The following TNS3 variants were observed in gnomAD, a reference collection of about 807,000 sequenced individuals.
TNS3 encodes the protein tensin 3.
A neutral mutation model predicts 140.9 loss-of-function variants in TNS3; 45 were observed. That is an observed-to-expected ratio of 0.32 (90% CI 0.25 to 0.41). TNS3 has a LOEUF of 0.41. Ranked by LOEUF, TNS3 falls within the 10% of genes least tolerant of loss-of-function variation. The pLI is 1.00. For synonymous variants in TNS3, 815 were observed against 788.4 expected, an observed-to-expected ratio of 1.03 and a Z score of -0.56; for missense variants, 1,716 against 1,906.7, an observed-to-expected ratio of 0.90 and a Z score of 1.86.
At chr7:47,512,473 C>CAT (rs901508136) in intron 2 of TNS3, among the ~76,000 whole-genome samples, 4 of 152,186 alleles carry the variant, frequency 2.6e-5, no homozygotes, top group Non-Finnish European at 5.9e-5. Context: ...GATAAAATTA[C>CAT]ATATATATAC....
chr7:47,348,461 G>A (rs1036213643), intron 17 of TNS3, among the ~76,000 whole-genome samples: 3 of 152,200 alleles, frequency 2.0e-5, no homozygotes, highest in South Asian at 2.1e-4. Flanking sequence ...TTTCAAAGGG[G>A]AGGGAATAGT....
chr7:47,295,777 C>T (rs1785981721), intron 24 of TNS3, among the ~76,000 whole-genome samples: 2 of 152,146 alleles, frequency 1.3e-5, no homozygotes, highest in Admixed American at 1.3e-4. Flanking sequence ...CGCTACAGCC[C>T]TGCCTGAGGC....
chr7:47,295,186 T>C (rs1785936627), intron 24 of TNS3, among the ~76,000 whole-genome samples: 1 of 152,186 alleles, frequency 6.6e-6, no homozygotes, highest in African/African-American at 2.4e-5. Flanking sequence ...CCTATTTTGT[T>C]CCTTTCATCT....
In TNS3 at chr7:47,368,625, A is replaced by G. The variant is rs1790851972; in HGVS notation, c.2021T>C (p.Val674Ala). 6.3e-7 allele frequency: 1 copy of G among 1,597,122 alleles called. No homozygotes were observed. Among genetic ancestry groups the G allele is most frequent in the East Asian group, 2.2e-5 (1 of 44,786 alleles). Residue 674 changes from valine to alanine, a missense_variant, in exon 17 of 31, where the codon GTT becomes GCT. Coordinates refer to ENST00000311160, the MANE Select transcript of TNS3 (RefSeq NM_022748.12). ...CAGCTCTGGGCCGGCTCCATTCACA[A>G]CCTGGTCTCCTGGAAACCTGGGTTT... ...AFKPRFPGDQVVNGAGPELST... is the reference protein window; with the variant it reads ...AFKPRFPGDQAVNGAGPELST...
At chr7:47,283,337 G>T (rs186299120) in intron 28 of TNS3, among the ~76,000 whole-genome samples, 108 of 152,318 alleles carry the variant, frequency 7.1e-4, no homozygotes, top group Middle Eastern at 6.8e-3. Context: ...AAAACAATAG[G>T]TTCCAAGATC....
chr7:47,410,224 C>T (rs1356183839), intron 13 of TNS3, among the ~76,000 whole-genome samples: 1 of 152,218 alleles, frequency 6.6e-6, no homozygotes, highest in Non-Finnish European at 1.5e-5. Flanking sequence ...AGGGATGCTG[C>T]ACCATCGCTG....
At chr7:47,388,245 TACAC>T (rs141454544) in intron 16 of TNS3, among the ~76,000 whole-genome samples, 1 of 151,580 alleles carries the variant, frequency 6.6e-6, no homozygotes, top group Non-Finnish European at 1.5e-5. Context: ...CACACACACA[TACAC>T]ACACACACAC....
chr7:47,560,761 C>T (rs1800304736), intron 1 of TNS3, among the ~76,000 whole-genome samples: 1 of 152,190 alleles, frequency 6.6e-6, no homozygotes, highest in African/African-American at 2.4e-5. Flanking sequence ...TTTCTGAGGT[C>T]CTGGCTGGGG....
At chr7:47,320,417 G>A (rs769982924) in intron 20 of TNS3, among the ~76,000 whole-genome samples, 5 of 152,214 alleles carry the variant, frequency 3.3e-5, no homozygotes, top group African/African-American at 4.8e-5. Context: ...CACGAGTTGG[G>A]AGTATTAGTC....
At chr7:47,540,992 T>C (rs1440337104) in intron 1 of TNS3, among the ~76,000 whole-genome samples, 2 of 152,162 alleles carry the variant, frequency 1.3e-5, no homozygotes, top group Non-Finnish European at 2.9e-5. Flanking sequence ...GGAGGACCCC[T>C]GGCAGTCCTG....
rs934027476 is a variant in TNS3, at chr7:47,400,816, A to C, written c.822T>G (p.Phe274Leu). 15 of 1,614,144 alleles carry C rather than the reference A, an allele frequency of 9.3e-6. No homozygotes were observed. The highest frequency in any genetic ancestry group is 1.2e-5 in the Non-Finnish European group (14 of 1,180,058). The change falls in exon 14 of 31, where the codon TTT (phenylalanine) becomes TTG (leucine). Residue 274 changes from phenylalanine to leucine, a missense_variant. Around this residue, in one of 3 missense-constraint regions of TNS3, gnomAD observed 337 missense variants for 428.9 expected, o/e 0.79. Transcript: ENST00000311160. ...TGGCATTGTCCAGATCCTCCTTCCC[A>C]AACACCAGCCCGTAGCCCTGCACAG... ...TGAVQGYGLV[F>L]GKEDLDNASK... is the part of the protein sequence containing the mutation.
At chr7:47,440,049 C>T (rs912655859) in intron 5 of TNS3, among the ~76,000 whole-genome samples, 29 of 152,140 alleles carry the variant, frequency 1.9e-4, no homozygotes, top group African/African-American at 7.0e-4. Flanking sequence ...GGAGCCTCAA[C>T]CCTGCTCTGA....
At chr7:47,298,494 C>T (rs1786184890) in intron 23 of TNS3, among the ~76,000 whole-genome samples, 1 of 152,220 alleles carries the variant, frequency 6.6e-6, no homozygotes, top group African/African-American at 2.4e-5. Context: ...GATAACTAGA[C>T]TACATCTCAG....
chr7:47,541,735 T>G (rs1194625562), intron 1 of TNS3, among the ~76,000 whole-genome samples: 1 of 151,866 alleles, frequency 6.6e-6, no homozygotes, highest in Non-Finnish European at 1.5e-5. Context: ...GATCACAAGG[T>G]CAGGAGATGG....
intron 13 of TNS3, among the ~76,000 whole-genome samples, chr7:47,403,907 A>G (rs1793297918): frequency 6.6e-6 from 1 of 152,228 alleles, no homozygotes; most frequent in African/African-American, 2.4e-5. Context: ...ACTTGGTACG[A>G]GGGCCCCCAA....
chr7:47,303,150 T>C lies in TNS3; in HGVS notation c.3257A>G (p.Gln1086Arg), dbSNP rs922452983. ...GHSSHHSPGL[Q>R]GQGVTLPGQP... is the part of the protein sequence containing the mutation. ...CCCGGGCAGGGTCACACCCTGGCCC[T>C]GCAGGCCTGGACTGTGGTGGCTGCT... The change falls in exon 22 of 31, where the codon CAG becomes CGG. Residue 1086 changes from glutamine to arginine, a missense_variant. By Grantham distance (43) the Gln-to-Arg change is conservative. Transcript: ENST00000311160. 2 of 1,613,908 alleles carry C rather than the reference T, an allele frequency of 1.2e-6. No individual in the cohort carries two copies. The highest frequency in any genetic ancestry group is 1.7e-6 in the Non-Finnish European group (2 of 1,179,956).
chr7:47,309,469 G>A (rs1051396951), intron 20 of TNS3, among the ~76,000 whole-genome samples: 11 of 152,024 alleles, frequency 7.2e-5, no homozygotes, highest in African/African-American at 2.4e-4. Flanking sequence ...TCAACAAGCC[G>A]GAGGTTTGTG....
intron 3 of TNS3, among the ~76,000 whole-genome samples, chr7:47,486,064 GAGT>G (rs1195365244): frequency 6.6e-6 from 1 of 151,888 alleles, no homozygotes; most frequent in African/African-American, 2.4e-5. Flanking sequence ...GTGTGTGGGT[GAGT>G]GTGTGTGTGT....
At chr7:47,361,187 G>A (rs1419919342) in intron 17 of TNS3, among the ~76,000 whole-genome samples, 1 of 61,378 alleles carries the variant, frequency 1.6e-5, no homozygotes, top group East Asian at 3.4e-4. Context: ...CTTCTCTTCT[G>A]GTAAGACAGT....
Sources: gnomAD v4.1 joint callset for allele counts (sites outside exome capture counted in the v4.1 genomes callset) on GRCh38, gnomAD v4.1.1 for gene constraint, gnomAD v4.1.1 regional missense constraint, MANE v1.5 for transcripts, NCBI Gene and HGNC (gene_info 2026-07-23, HGNC 2026-07-21) for gene names.